FLNB: variants seen among roughly 807,000 people sequenced by gnomAD.
The protein encoded by FLNB is filamin B.
FLNB carries 111 observed loss-of-function variants against 250.6 expected under a neutral mutation model. The observed-to-expected ratio is 0.44, with a 90% CI of 0.38 to 0.52. The LOEUF is 0.52. FLNB is among the 20% of genes least tolerant of loss of function. The pLI is 0.00. For synonymous variants in FLNB, 1,302 were observed against 1,372.1 expected (o/e 0.95, Z 1.13); for missense variants, 2,869 against 3,447.8 (o/e 0.83, Z 4.20).
intron 4 of FLNB, 56 bp downstream of exon 4, chr3:58,081,832 G>A (rs1258394086): frequency 8.2e-6 from 13 of 1,586,770 alleles, no homozygotes; most frequent in Non-Finnish European, 1.1e-5. Context: ...TGTTGGAGAT[G>A]ATTTCATGGC....
At chr3:58,123,860 G>T (rs2097293241) in intron 21 of FLNB, among the ~76,000 whole-genome samples, 170 bp downstream of exon 21, 1 of 152,088 alleles carries the variant, frequency 6.6e-6, no homozygotes, top group Non-Finnish European at 1.5e-5. Context: ...CCTGGTGAAG[G>T]TTAAGCACAT....
Position 58,038,441 on chromosome 3 carries a change from T to A in FLNB, c.292+29585T>A, listed in dbSNP as rs1032704468. Among the ~76,000 whole-genome samples, 4 of 99,318 alleles carry A rather than the reference T, an allele frequency of 4.0e-5. No individual in the cohort carries two copies. The African/African-American group carries it at 4.3e-4, about 11-fold the overall frequency. The allele number at this position is 99,318 out of a possible 152,430, so 65.2% of individuals were successfully genotyped here. On this transcript the variant is annotated intron_variant, in intron 1 of 45. Coordinates refer to ENST00000295956, the MANE Select transcript of FLNB (RefSeq NM_001457.4). Reference sequence around the variant, plus strand: ...ATCTGATTGTTTGTGAATTGATGGCTTTTTTTTTTTTCCTGAGTTGGGGGT... The same window carrying A: ...ATCTGATTGTTTGTGAATTGATGGCATTTTTTTTTTTCCTGAGTTGGGGGT...
At position 58,103,965 on chromosome 3, in the gene FLNB, T is replaced by A. The variant is rs2097255129; in HGVS notation, c.1490T>A (p.Leu497Gln). Residue 497 changes from leucine (L) to glutamine (Q), a missense_variant, in exon 10 of 46, where the codon CTG becomes CAG. By Grantham distance (113) the Leu-to-Gln change is moderately radical. Coordinates refer to ENST00000295956, the MANE Select transcript of FLNB (RefSeq NM_001457.4). ...LGVTMKGPKG[L>Q]EELVKQKDFL... ...ATCTCCTTCCTTCCCACAGAGGGTC[T>A]GGAGGAGCTGGTGAAGCAGAAAGAC... 1.2e-6 allele frequency: 2 copies of A among 1,614,134 alleles called. No homozygotes were observed. Among genetic ancestry groups the A allele is most frequent in the Non-Finnish European group, 1.7e-6 (2 of 1,180,020 alleles).
intron 23 of FLNB, 90 bp downstream of exon 23, chr3:58,125,833 T>A (rs969813138): frequency 2.4e-6 from 3 of 1,271,860 alleles, no homozygotes; most frequent in Non-Finnish European, 3.4e-6. Flanking sequence ...TTTGATAAGA[T>A]GAATTTTTAT....
In FLNB at chr3:58,168,944, T is replaced by C. The variant is rs4681787; in HGVS notation, c.7417+286T>C. The C allele has an allele frequency of 0.54, 210,648 of 388,028 alleles. 62,193 individuals carry two copies. Among genetic ancestry groups the C allele is most frequent in the East Asian group, 1 (18,369 of 18,416 alleles). The allele number at this position is 388,028 out of a possible 1,614,324, so 24.0% of individuals were successfully genotyped here. On this transcript the variant is annotated intron_variant, in intron 44 of 45. Transcript: ENST00000295956. ...TCTTACGTATTTGTTTAGATCAGGG[T>C]CTGAAAAATCCCCTGATTTCTAATT...
intron 9 of FLNB, 73 bp from the exon 10 acceptor site, chr3:58,103,886 C>A: frequency 6.3e-7 from 1 of 1,587,752 alleles, no homozygotes; most frequent in Non-Finnish European, 8.6e-7. Flanking sequence ...GGCTGCCTCT[C>A]TGTTCTTGTC....
At chr3:58,077,338 T>G (rs2097203113) in intron 2 of FLNB, 44 bp downstream of exon 2, 1 of 1,604,192 alleles carries the variant, frequency 6.2e-7, no homozygotes, top group Non-Finnish European at 8.5e-7. Flanking sequence ...AGGATGGGGG[T>G]GTGTGGGTCC....
At chr3:58,092,525 G>A (rs1056868086) in intron 4 of FLNB, among the ~76,000 whole-genome samples, 1 of 152,066 alleles carries the variant, frequency 6.6e-6, no homozygotes, top group African/African-American at 2.4e-5. Flanking sequence ...ATGCACCTGT[G>A]GTCCCAGCTA....
At chr3:58,022,181 G>A (rs913517023) in intron 1 of FLNB, among the ~76,000 whole-genome samples, 3 of 152,178 alleles carry the variant, frequency 2.0e-5, no homozygotes, top group Non-Finnish European at 2.9e-5. Context: ...TACCTCTGTG[G>A]CTCTGACCTT....
chr3:58,121,553 A>G (rs1361124330), intron 20 of FLNB, 50 bp downstream of exon 20: 2 of 1,606,610 alleles, frequency 1.2e-6, no homozygotes, highest in Non-Finnish European at 8.5e-7. Context: ...GTCAAACATG[A>G]CACCATAGTC....
chr3:58,147,493 A>T (rs2097337618), intron 34 of FLNB, among the ~76,000 whole-genome samples: 2 of 152,302 alleles, frequency 1.3e-5, no homozygotes, highest in African/African-American at 4.8e-5. Context: ...TTATGCTTTC[A>T]GTGGGTTATA....
chr3:58,076,383 G>C (rs1199896710), intron 1 of FLNB, among the ~76,000 whole-genome samples: 2 of 152,184 alleles, frequency 1.3e-5, no homozygotes, highest in Non-Finnish European at 2.9e-5. Flanking sequence ...CTGGTAGGCT[G>C]TATACTACCA....
chr3:58,053,588 G>A (rs2097165861), intron 1 of FLNB, among the ~76,000 whole-genome samples: 1 of 152,036 alleles, frequency 6.6e-6, no homozygotes, highest in Non-Finnish European at 1.5e-5. Flanking sequence ...AGCCTCCCCA[G>A]TAGCTGGGAC....
At chr3:58,135,834 A>G (rs1187280677) in intron 27 of FLNB, 145 bp from the exon 28 acceptor site, 2 of 882,636 alleles carry the variant, frequency 2.3e-6, no homozygotes, top group African/African-American at 3.4e-5. Flanking sequence ...TCCCTACCAA[A>G]AAACAAAACA....
intron 1 of FLNB, among the ~76,000 whole-genome samples, chr3:58,073,626 T>G (rs940429672): frequency 6.6e-6 from 1 of 151,944 alleles, no homozygotes; most frequent in Non-Finnish European, 1.5e-5. Context: ...CAACACTTAT[T>G]CATTGTCTCA....
intron 43 of FLNB, chr3:58,165,351 G>T (rs920023749): frequency 6.6e-6 from 1 of 152,286 alleles, no homozygotes; most frequent in African/African-American, 2.4e-5. Flanking sequence ...CTAGCCAGGA[G>T]GGGAGAGGTA....
At chr3:58,122,103 A>C (rs2097289791) in intron 20 of FLNB, among the ~76,000 whole-genome samples, 1 of 140,848 alleles carries the variant, frequency 7.1e-6, no homozygotes. Context: ...TGGGAGGCGG[A>C]GCTTGCAGTG....
At chr3:58,111,711 G>T in intron 16 of FLNB, 80 bp from the exon 17 acceptor site, 4 of 1,006,942 alleles carry the variant, frequency 4.0e-6, no homozygotes, top group Non-Finnish European at 6.3e-6. Flanking sequence ...TGATGCTAAG[G>T]TTCACCCTTT....
chr3:58,094,709 C>G (rs2097234939), intron 4 of FLNB, 127 bp from the exon 5 acceptor site: 10 of 825,806 alleles, frequency 1.2e-5, no homozygotes, highest in Non-Finnish European at 2.1e-5. Context: ...GCAGTTTGTC[C>G]CCATTTCCCA....
Sources: gnomAD v4.1 joint callset for allele counts (sites outside exome capture counted in the v4.1 genomes callset) on GRCh38, gnomAD v4.1.1 for gene constraint, MANE v1.5 for transcripts, NCBI Gene and HGNC (gene_info 2026-07-23, HGNC 2026-07-21) for gene names.